The following RAPGEF4 variants were observed in gnomAD, a reference collection of about 807,000 sequenced individuals.
RAPGEF4 encodes the protein Rap guanine nucleotide exchange factor 4.
RAPGEF4 carries 66 observed loss-of-function variants against 147.9 expected under a neutral mutation model. That is an observed-to-expected ratio of 0.45 (90% CI 0.37 to 0.55). RAPGEF4 has a LOEUF of 0.55. Among genes scored for constraint, RAPGEF4 ranks in the 20% least tolerant of loss-of-function variants. The pLI is 0.00. For missense variants in RAPGEF4, 1,071 were observed against 1,257.3 expected (o/e 0.85, Z 2.24); for synonymous variants, 419 against 442.7 (o/e 0.95, Z 0.67).
At chr2:173,008,679 G>T (rs1694729322) in intron 17 of RAPGEF4, among the ~76,000 whole-genome samples, 1 of 152,264 alleles carries the variant, frequency 6.6e-6, no homozygotes, top group Non-Finnish European at 1.5e-5. Flanking sequence ...AGGCTGTAAT[G>T]AATCTGCTGC....
chr2:172,850,319 A>T (rs2149733366), intron 4 of RAPGEF4, among the ~76,000 whole-genome samples: 1 of 152,308 alleles, frequency 6.6e-6, no homozygotes, highest in South Asian at 2.1e-4. Flanking sequence ...TTTTTAAATT[A>T]AAAAGTAAAA....
chr2:172,847,515 G>A (rs1377888631), intron 4 of RAPGEF4, among the ~76,000 whole-genome samples: 1 of 152,174 alleles, frequency 6.6e-6, no homozygotes, highest in African/African-American at 2.4e-5. Flanking sequence ...AGAAAGCCGG[G>A]ACTGAAGGGG....
At chr2:172,939,516 T>C (rs933538641) in intron 6 of RAPGEF4, among the ~76,000 whole-genome samples, 5 of 152,172 alleles carry the variant, frequency 3.3e-5, no homozygotes, top group Admixed American at 1.3e-4. Flanking sequence ...GAGAATTCTT[T>C]GCATATTTTA....
At chr2:172,861,906 C>T (rs1694091141) in intron 4 of RAPGEF4, among the ~76,000 whole-genome samples, 1 of 152,194 alleles carries the variant, frequency 6.6e-6, no homozygotes, top group Admixed American at 6.5e-5. Context: ...TGAACTTGTC[C>T]TTGTTTGCCA....
rs71018521 is a variant in RAPGEF4 at position 172,831,266 on chromosome 2, CT to C, written c.444+16860del. ...AAATGTGACTGTTTCAGATAGAAAA[CT>C]TTTTTTTTTTTTTTTTTTGAGACAG... On this transcript the variant is annotated intron_variant, in intron 4 of 30. Transcript: ENST00000397081. Among the ~76,000 whole-genome samples the C allele has an allele frequency of 5.1e-3, 274 of 53,888 alleles. 14 individuals carry two copies. Among genetic ancestry groups the C allele is most frequent in the East Asian group, 0.048 (78 of 1,610 alleles). The allele number at this position is 53,888 out of a possible 152,430, so 35.4% of individuals were successfully genotyped here.
intron 4 of RAPGEF4, among the ~76,000 whole-genome samples, chr2:172,825,981 A>G (rs932185301): frequency 1.3e-5 from 2 of 152,180 alleles, no homozygotes; most frequent in Non-Finnish European, 2.9e-5. Context: ...ATTGTTTCCT[A>G]TAGCCTCTGT....
rs1047885998 is a variant in RAPGEF4 at position 172,879,912 on chromosome 2, G to A, written c.445-37890G>A. On this transcript the variant is annotated intron_variant, in intron 4 of 30. Transcript: ENST00000397081. ...ATTGCCTCCCAAAGAGACTGTTCAGGAAACCAAAGGTGGGTGGTACAACAA... is the reference window on the plus strand; with the variant it reads ...ATTGCCTCCCAAAGAGACTGTTCAGAAAACCAAAGGTGGGTGGTACAACAA... Among the ~76,000 whole-genome samples, 36 of 152,318 alleles carry A rather than the reference G, an allele frequency of 2.4e-4. 1 individual carries two copies. Among genetic ancestry groups the A allele is most frequent in the African/African-American group, 8.7e-4 (36 of 41,574 alleles).
Position 172,795,061 on chromosome 2 carries a change from C to T in RAPGEF4, c.102C>T (p.Ile34=), listed in dbSNP as rs1207610878. ...GATCCAGCGAAGATGTGGATATAAT[C>T]TTCACTCGACTGAAAGAAGTTAAAG... The part of the protein sequence containing the change: ...LERSSEDVDI[I]FTRLKEVKAF... Residue 34 remains isoleucine (I), a synonymous_variant, in exon 2 of 31, where the codon ATC becomes ATT. Transcript: ENST00000397081. 6.2e-7 allele frequency: 1 copy of T among 1,614,008 alleles called. No homozygotes were observed. Among genetic ancestry groups the T allele is most frequent in the South Asian group, 1.1e-5 (1 of 91,066 alleles).
chr2:172,750,635 C>T (rs531943999), intron 1 of RAPGEF4, among the ~76,000 whole-genome samples: 1 of 152,276 alleles, frequency 6.6e-6, no homozygotes. Context: ...TCTCCATGTC[C>T]TCAATGACAC....
chr2:172,737,193 T>C (rs1004074431), intron 1 of RAPGEF4, among the ~76,000 whole-genome samples: 4 of 152,218 alleles, frequency 2.6e-5, no homozygotes, highest in Admixed American at 6.5e-5. Context: ...AGTAGCAAGA[T>C]TTTTTGGCAG....
At chr2:172,907,435 A>G (rs1699737093) in intron 4 of RAPGEF4, among the ~76,000 whole-genome samples, 1 of 152,100 alleles carries the variant, frequency 6.6e-6, no homozygotes, top group Non-Finnish European at 1.5e-5. Flanking sequence ...TCTCTTAGTA[A>G]CAAACAGCTC....
chr2:173,048,866 A>G (rs1685829678), intron 30 of RAPGEF4, among the ~76,000 whole-genome samples: 1 of 152,182 alleles, frequency 6.6e-6, no homozygotes, highest in African/African-American at 2.4e-5. Flanking sequence ...AAACTAGAAA[A>G]TCACCATAGG....
chr2:172,850,604 C>T lies in RAPGEF4; in HGVS notation c.444+36179C>T, dbSNP rs192449824. 1.2e-3 allele frequency among the ~76,000 whole-genome samples: 178 copies of T among 150,582 alleles called. 1 individual carries two copies. Among genetic ancestry groups the T allele is most frequent in the Admixed American group, 8.1e-3 (122 of 15,124 alleles). On this transcript the variant is annotated intron_variant, in intron 4 of 30. Coordinates refer to ENST00000397081, the MANE Select transcript of RAPGEF4 (RefSeq NM_007023.4). ...CTGCACTCCAGCCTGGGCCACAGAG[C>T]GAGACTCTGTCTCAAAAAAAAAAAA...
At chr2:172,768,453 A>G (rs1697050728) in intron 1 of RAPGEF4, among the ~76,000 whole-genome samples, 1 of 151,978 alleles carries the variant, frequency 6.6e-6, no homozygotes, top group Admixed American at 6.6e-5. Flanking sequence ...AACAATTCCA[A>G]TAGGAAGCTG....
At chr2:172,783,562 G>A (rs1684889422) in intron 1 of RAPGEF4, among the ~76,000 whole-genome samples, 5 of 152,080 alleles carry the variant, frequency 3.3e-5, no homozygotes, top group Admixed American at 3.3e-4. Context: ...AACTGCAATG[G>A]TCCCTGGGAT....
At chr2:172,777,284 A>G (rs1684262668) in intron 1 of RAPGEF4, among the ~76,000 whole-genome samples, 1 of 151,672 alleles carries the variant, frequency 6.6e-6, no homozygotes, top group Non-Finnish European at 1.5e-5. Context: ...TAAACAGTAT[A>G]TTTATTCTTT....
rs565419527 is a variant in RAPGEF4, at chr2:172,765,980, A to G, written c.66-29045A>G. On this transcript the variant is annotated intron_variant, in intron 1 of 30. Transcript: ENST00000397081. The stretch of plus-strand genomic sequence containing the variant: ...TGGGCTGTTCTCTGTGTGAAGCCCA[A>G]TTTGCAGAAGGTGGGGTTTTTCCTG... 1.7e-3 allele frequency among the ~76,000 whole-genome samples: 263 copies of G among 152,276 alleles called. 1 individual carries two copies. The highest frequency in any genetic ancestry group is 6.8e-3 in the Middle Eastern group (2 of 294).
At chr2:172,816,708 C>T (rs1343602885) in intron 4 of RAPGEF4, among the ~76,000 whole-genome samples, 1 of 152,172 alleles carries the variant, frequency 6.6e-6, no homozygotes. Flanking sequence ...AACCTCAGAG[C>T]ATGATTTGTG....
chr2:173,052,191 T>G lies in RAPGEF4; in HGVS notation c.*424T>G, dbSNP rs1686314531. 3 of 154,454 alleles carry G rather than the reference T, an allele frequency of 1.9e-5. No individual in the cohort carries two copies. The highest frequency in any genetic ancestry group is 4.3e-5 in the Non-Finnish European group (3 of 69,222). 9.6% of individuals were successfully genotyped at this position (154,454 alleles called of 1,614,324 possible). A position where few individuals can be genotyped will look rare whatever the true frequency, so the allele number is the denominator to read the frequency against. On this transcript the variant is annotated 3_prime_UTR_variant, in exon 31 of 31. Coordinates refer to ENST00000397081, the MANE Select transcript of RAPGEF4 (RefSeq NM_007023.4). ...TAAAATTTTAACTCAACATCTTGATTTGGAGCCTGGGGTTTCGGGAAGGTG... is the reference window on the plus strand; with the variant it reads ...TAAAATTTTAACTCAACATCTTGATGTGGAGCCTGGGGTTTCGGGAAGGTG...
Sources: gnomAD v4.1 joint callset for allele counts (sites outside exome capture counted in the v4.1 genomes callset) on GRCh38, gnomAD v4.1.1 for gene constraint, MANE v1.5 for transcripts, NCBI Gene and HGNC (gene_info 2026-07-23, HGNC 2026-07-21) for gene names.